The following UNC13C variants were observed in gnomAD, a reference collection of about 807,000 sequenced individuals.
UNC13C encodes protein unc-13 homolog C.
In UNC13C, 174 loss-of-function variants were observed where a neutral mutation model predicts 245.4. That is an observed-to-expected ratio of 0.71 (90% CI 0.63 to 0.80). The LOEUF is 0.80. Ranked by LOEUF, UNC13C falls within the 30% of genes least tolerant of loss-of-function variation. The pLI is 0.00. For missense variants in UNC13C, 2,829 were observed against 2,602.9 expected (o/e 1.09, Z -1.89); for synonymous variants, 992 against 895.1 (o/e 1.11, Z -1.93).
At position 54,628,195 on chromosome 15, in the gene UNC13C, A is replaced by G. The variant is rs924409497; in HGVS notation, c.*1082A>G. On this transcript the variant is annotated 3_prime_UTR_variant, in exon 33 of 33. Coordinates refer to ENST00000260323, the MANE Select transcript of UNC13C (RefSeq NM_001080534.3). ...GTAATACAGCTTGGTACCTAAAAAT[A>G]TAGCTAAGTTGGTTTTTGAATATAA... 8 of 152,014 alleles carry G rather than the reference A, an allele frequency of 5.3e-5. No individual in the cohort carries two copies. The highest frequency in any genetic ancestry group is 3.9e-4 in the Admixed American group (6 of 15,240). The allele number at this position is 152,014 out of a possible 1,614,324, so 9.4% of individuals were successfully genotyped here.
At chr15:54,258,638 G>T (rs925610455) in intron 8 of UNC13C, among the ~76,000 whole-genome samples, 2 of 151,990 alleles carry the variant, frequency 1.3e-5, no homozygotes, top group African/African-American at 4.8e-5. Flanking sequence ...AAAAGTGCTG[G>T]GATTACAGAT....
chr15:54,037,217 A>C (rs1896610209), intron 2 of UNC13C, among the ~76,000 whole-genome samples: 1 of 152,114 alleles, frequency 6.6e-6, no homozygotes, highest in Non-Finnish European at 1.5e-5. Context: ...TGTCTACATA[A>C]TTTTGCAGGT....
At chr15:54,010,607 G>A (rs534111296) in intron 1 of UNC13C, among the ~76,000 whole-genome samples, 7 of 152,236 alleles carry the variant, frequency 4.6e-5, no homozygotes, top group Non-Finnish European at 7.4e-5. Context: ...TGTGCTTATG[G>A]GAGTGACAGA....
At chr15:54,479,810 A>G (rs986395181) in intron 19 of UNC13C, among the ~76,000 whole-genome samples, 28 of 151,922 alleles carry the variant, frequency 1.8e-4, no homozygotes, top group African/African-American at 6.3e-4. Flanking sequence ...AAATATAGGG[A>G]TTCCTTAAGC....
chr15:54,009,432 A>C (rs1008494882), intron 1 of UNC13C, among the ~76,000 whole-genome samples: 3 of 152,198 alleles, frequency 2.0e-5, no homozygotes, highest in Non-Finnish European at 4.4e-5. Flanking sequence ...CCAAAAATTT[A>C]CATGTATTAA....
intron 4 of UNC13C, among the ~76,000 whole-genome samples, chr15:54,193,977 C>G (rs570740594): frequency 3.9e-5 from 6 of 152,188 alleles, no homozygotes; most frequent in East Asian, 3.9e-4. Context: ...ACTAGAGGAA[C>G]TGAAGGAAGG....
chr15:54,182,640 T>G (rs1387799776), intron 4 of UNC13C, among the ~76,000 whole-genome samples: 1 of 152,058 alleles, frequency 6.6e-6, no homozygotes, highest in Non-Finnish European at 1.5e-5. Context: ...TATCTCAACC[T>G]GGGTGTTTTC....
chr15:53,941,594 C>T, the UNC13C span, among the ~76,000 whole-genome samples: 4 of 151,618 alleles, frequency 2.6e-5, no homozygotes, highest in Non-Finnish European at 4.4e-5. Flanking sequence ...CAAAAAATTA[C>T]AAGAAAAAAA....
intron 2 of UNC13C, among the ~76,000 whole-genome samples, chr15:54,089,699 TG>T (rs1345086284): frequency 1.3e-5 from 2 of 151,332 alleles, no homozygotes; most frequent in African/African-American, 4.9e-5. Context: ...CATCCCTTGC[TG>T]GTTGTGTGTT....
intron 4 of UNC13C, among the ~76,000 whole-genome samples, chr15:54,162,447 G>A (rs570749785): frequency 6.6e-6 from 1 of 152,256 alleles, no homozygotes; most frequent in South Asian, 2.1e-4. Flanking sequence ...ATGAAATATT[G>A]TGGCCTCATA....
intron 2 of UNC13C, among the ~76,000 whole-genome samples, chr15:54,046,412 T>G (rs1032272147): frequency 2.0e-5 from 3 of 152,156 alleles, no homozygotes; most frequent in Non-Finnish European, 4.4e-5. Context: ...TTGTCAAACT[T>G]CTATATTTTT....
intron 4 of UNC13C, among the ~76,000 whole-genome samples, chr15:54,186,586 G>A (rs886207755): frequency 1.3e-5 from 2 of 151,816 alleles, no homozygotes; most frequent in Admixed American, 1.3e-4. Flanking sequence ...AGTGAAGAAT[G>A]TATGTTATTA....
chr15:54,434,292 C>CA (rs538248710), intron 19 of UNC13C, among the ~76,000 whole-genome samples: 70 of 151,896 alleles, frequency 4.6e-4, no homozygotes, highest in African/African-American at 1.5e-3. Context: ...CAATCCTAAG[C>CA]AAAAAAACAA....
Position 54,008,476 on chromosome 15 carries a change from T to C in UNC13C, c.-256-4172T>C, listed in dbSNP as rs189814120. Among the ~76,000 whole-genome samples the C allele has an allele frequency of 1.2e-4, 19 of 152,326 alleles. No homozygotes were observed. In the East Asian group the frequency reaches 3.7e-3, roughly 29 times the overall value. On this transcript the variant is annotated intron_variant, in intron 1 of 32. Coordinates refer to ENST00000260323, the MANE Select transcript of UNC13C (RefSeq NM_001080534.3). The stretch of plus-strand genomic sequence containing the variant: ...AGGCTTCCTATAACCGCATAGTCTA[T>C]TGTTTTAATCTCTTTCAAAGACTTT...
At chr15:53,866,566 A>G in the UNC13C span, among the ~76,000 whole-genome samples, 1 of 152,244 alleles carries the variant, frequency 6.6e-6, no homozygotes. Context: ...AAGAATAGTT[A>G]GAAACAATAA....
chr15:54,019,366 A>G (rs749736383), intron 2 of UNC13C, among the ~76,000 whole-genome samples: 1 of 152,236 alleles, frequency 6.6e-6, no homozygotes, highest in East Asian at 1.9e-4. Flanking sequence ...GATATTCACG[A>G]GAAACCAGTA....
chr15:54,380,222 C>T (rs1489736123), intron 17 of UNC13C, among the ~76,000 whole-genome samples: 3 of 150,246 alleles, frequency 2.0e-5, no homozygotes, highest in Non-Finnish European at 4.4e-5. Context: ...AGGTTCCATA[C>T]ATGAGCGTGA....
chr15:54,067,648 C>T (rs991224053), intron 2 of UNC13C, among the ~76,000 whole-genome samples: 1 of 152,126 alleles, frequency 6.6e-6, no homozygotes, highest in Non-Finnish European at 1.5e-5. Context: ...ACCTATTGTA[C>T]AAAGCTGTAG....
chr15:54,293,205 A>T (rs1487658464), intron 10 of UNC13C, among the ~76,000 whole-genome samples: 1 of 151,854 alleles, frequency 6.6e-6, no homozygotes, highest in Admixed American at 6.6e-5. Context: ...ATTCCTAAAG[A>T]TTGATTGGTT....
Sources: allele counts gnomAD v4.1 joint callset (sites outside exome capture counted in the v4.1 genomes callset), GRCh38; gene constraint gnomAD v4.1.1; transcripts MANE v1.5; gene names NCBI Gene and HGNC (gene_info 2026-07-23, HGNC 2026-07-21).